Variants in SRPK2 observed in about 807,000 individuals in gnomAD.
SRPK2 encodes SRSF protein kinase 2, also known as SFRS protein kinase 2.
Under a neutral mutation model 90.8 loss-of-function variants are expected in SRPK2, and 21 were observed. The ratio of observed to expected loss-of-function variants is 0.23; its 90% CI spans 0.16 to 0.33. The LOEUF (loss-of-function observed/expected upper bound fraction) is 0.33, where lower values mean the gene tolerates loss of function less well. Ranked by LOEUF, SRPK2 falls within the 10% of genes least tolerant of loss-of-function variation. The probability of loss-of-function intolerance (pLI) is 1.00; values close to 1 mark genes in which losing one functional copy is unlikely to be tolerated. For missense variants in SRPK2, 620 were observed against 869.0 expected, an observed-to-expected ratio of 0.71 and a Z score of 3.60; for synonymous variants, 288 against 311.1, an observed-to-expected ratio of 0.93 and a Z score of 0.78.
At chr7:105,337,371 A>G (rs1248938075) in intron 2 of SRPK2, among the ~76,000 whole-genome samples, 4 of 151,270 alleles carry the variant, frequency 2.6e-5, no homozygotes, top group Admixed American at 2.6e-4. Flanking sequence ...CTGGAGTGCA[A>G]TGGCACAATC....
chr7:105,238,973 C>T (rs960315412), intron 2 of SRPK2, among the ~76,000 whole-genome samples: 4 of 152,104 alleles, frequency 2.6e-5, no homozygotes, highest in Non-Finnish European at 4.4e-5. Flanking sequence ...GTCATTAGGC[C>T]GGGGCAGCCA....
intron 2 of SRPK2, among the ~76,000 whole-genome samples, chr7:105,355,704 C>A (rs569939617): frequency 1.3e-5 from 2 of 152,096 alleles, no homozygotes; most frequent in Non-Finnish European, 2.9e-5. Flanking sequence ...AATAACTAAA[C>A]GTCAAGCAGG....
At chr7:105,264,228 A>T (rs577554449) in intron 2 of SRPK2, among the ~76,000 whole-genome samples, 6 of 151,898 alleles carry the variant, frequency 4.0e-5, no homozygotes, top group African/African-American at 1.5e-4. Context: ...TCACTTTTGA[A>T]TTTTTTCCCT....
At chr7:105,159,821 T>C (rs1048467279) in intron 7 of SRPK2, among the ~76,000 whole-genome samples, 15 of 152,186 alleles carry the variant, frequency 9.9e-5, no homozygotes, top group African/African-American at 1.9e-4. Flanking sequence ...TCCATTTTTT[T>C]CCCCAGCTTT....
At chr7:105,371,726 G>A (rs1174551755) in intron 2 of SRPK2, among the ~76,000 whole-genome samples, 2 of 151,848 alleles carry the variant, frequency 1.3e-5, no homozygotes, top group African/African-American at 4.8e-5. Flanking sequence ...CTCAAAAAAA[G>A]AAAAAGAAAT....
intron 11 of SRPK2, among the ~76,000 whole-genome samples, chr7:105,140,134 G>T (rs1803494783): frequency 6.6e-6 from 1 of 152,042 alleles, no homozygotes; most frequent in African/African-American, 2.4e-5. Context: ...GGAAAAATCT[G>T]TACATGTTCA....
chr7:105,179,921 C>G (rs1792538216), intron 3 of SRPK2, among the ~76,000 whole-genome samples: 1 of 150,578 alleles, frequency 6.6e-6, no homozygotes, highest in African/African-American at 2.4e-5. Context: ...AAAACACTCT[C>G]AAAGAAATCA....
intron 2 of SRPK2, among the ~76,000 whole-genome samples, chr7:105,273,991 C>A (rs1471110080): frequency 6.6e-6 from 1 of 152,132 alleles, no homozygotes; most frequent in Non-Finnish European, 1.5e-5. Flanking sequence ...AAGGGGAAAT[C>A]TAAGGGGCAA....
At position 105,299,489 on chromosome 7, in the gene SRPK2, G is replaced by A. The variant is rs557121390; in HGVS notation, c.71+89159C>T. 7.2e-5 allele frequency among the ~76,000 whole-genome samples: 11 copies of A among 152,254 alleles called. No individual in the cohort carries two copies. The South Asian group carries it at 2.3e-3, about 32-fold the overall frequency. On this transcript the variant is annotated intron_variant, in intron 2 of 15. Coordinates refer to ENST00000393651, the MANE Select transcript of SRPK2 (RefSeq NM_182692.3). ...GGAAAATTAGCAAAAGAAACATTAAGAAATTAAATATATTCATCTTTTAGT... is the reference window on the plus strand; with the variant it reads ...GGAAAATTAGCAAAAGAAACATTAAAAAATTAAATATATTCATCTTTTAGT...
intron 2 of SRPK2, among the ~76,000 whole-genome samples, chr7:105,331,628 G>T (rs1814421272): frequency 6.6e-6 from 1 of 152,132 alleles, no homozygotes; most frequent in Admixed American, 6.6e-5. Flanking sequence ...CACACACTGT[G>T]CTTAGGCCCT....
At chr7:105,168,236 A>G in intron 4 of SRPK2, 141 bp from the exon 5 acceptor site, 1 of 641,726 alleles carries the variant, frequency 1.6e-6, no homozygotes, top group Non-Finnish European at 2.7e-6. Flanking sequence ...GTGTGTCAAC[A>G]CGATGCCACA....
At chr7:105,284,575 A>G (rs1208352234) in intron 2 of SRPK2, among the ~76,000 whole-genome samples, 1 of 152,292 alleles carries the variant, frequency 6.6e-6, no homozygotes, top group Non-Finnish European at 1.5e-5. Flanking sequence ...ATGCTGGGGG[A>G]AAAATATTAA....
chr7:105,336,655 G>A (rs1815127927), intron 2 of SRPK2, among the ~76,000 whole-genome samples: 1 of 152,184 alleles, frequency 6.6e-6, no homozygotes, highest in Non-Finnish European at 1.5e-5. Context: ...TGAGGAAAGA[G>A]TCTGTTGTCT....
intron 2 of SRPK2, among the ~76,000 whole-genome samples, chr7:105,284,582 T>C (rs1330158255): frequency 6.6e-6 from 1 of 152,176 alleles, no homozygotes; most frequent in Admixed American, 6.5e-5. Flanking sequence ...GGGAAAAATA[T>C]TAAACTTCAT....
intron 2 of SRPK2, among the ~76,000 whole-genome samples, chr7:105,231,239 C>G (rs951464687): frequency 6.6e-6 from 1 of 152,182 alleles, no homozygotes; most frequent in East Asian, 1.9e-4. Flanking sequence ...CCAGGTCTAT[C>G]CATGTTCCCA....
upstream of SRPK2, among the ~76,000 whole-genome samples, chr7:105,392,602 T>C (rs1468590614): frequency 2.2e-4 from 33 of 150,626 alleles, no homozygotes; most frequent in African/African-American, 7.6e-4. Context: ...TAACCTCCAC[T>C]TCCCAGGTTC....
intron 2 of SRPK2, among the ~76,000 whole-genome samples, chr7:105,214,484 A>G (rs73405859): frequency 0.011 from 1,629 of 152,352 alleles, 24 homozygotes; most frequent in African/African-American, 0.036. Flanking sequence ...ACTCTGTGGC[A>G]ATGTCTGCAA....
At chr7:105,264,047 G>C (rs779955054) in intron 2 of SRPK2, among the ~76,000 whole-genome samples, 6 of 152,110 alleles carry the variant, frequency 3.9e-5, no homozygotes, top group African/African-American at 1.2e-4. Flanking sequence ...GGGGGAGAAA[G>C]GGAAAACAAC....
intron 11 of SRPK2, among the ~76,000 whole-genome samples, chr7:105,141,683 T>C (rs796546680): frequency 2.0e-5 from 3 of 152,296 alleles, no homozygotes; most frequent in African/African-American, 7.2e-5. Context: ...TGGAAGAAGA[T>C]ACGAATTTTA....
Sources: gnomAD v4.1 joint callset for allele counts (sites outside exome capture counted in the v4.1 genomes callset) on GRCh38, gnomAD v4.1.1 for gene constraint, MANE v1.5 for transcripts, NCBI Gene and HGNC (gene_info 2026-07-23, HGNC 2026-07-21) for gene names.